Variants in CDKL4 observed in about 807,000 individuals in gnomAD.
CDKL4 encodes cyclin-dependent kinase-like 4.
A neutral mutation model predicts 42.0 loss-of-function variants in CDKL4; 44 were observed. The ratio of observed to expected loss-of-function variants is 1.05; its 90% CI spans 0.82 to 1.35. The LOEUF is 1.35. Among genes scored for constraint, CDKL4 ranks in the 40% most tolerant of loss-of-function variants. CDKL4 has a pLI of 0.00. For missense variants in CDKL4, 393 were observed against 369.9 expected (o/e 1.06, Z -0.51); for synonymous variants, 120 against 121.6 (o/e 0.99, Z 0.09).
intron 3 of CDKL4, among the ~76,000 whole-genome samples, chr2:39,219,161 C>T (rs756015567): frequency 1.1e-4 from 17 of 152,172 alleles, no homozygotes; most frequent in Non-Finnish European, 2.4e-4. Flanking sequence ...CTCTGGCACT[C>T]CCAGAAATTT....
the CDKL4 span, among the ~76,000 whole-genome samples, chr2:39,170,523 C>A: frequency 2.6e-5 from 4 of 152,058 alleles, no homozygotes; most frequent in South Asian, 2.1e-4. Context: ...AAGGCACGAT[C>A]TTGGCTCACT....
At chr2:39,216,857 T>C (rs958231780) in intron 3 of CDKL4, among the ~76,000 whole-genome samples, 1 of 152,134 alleles carries the variant, frequency 6.6e-6, no homozygotes, top group Non-Finnish European at 1.5e-5. Context: ...AGGAAAGTAA[T>C]TTCATAGGAT....
At chr2:39,193,911 A>G (rs530787189) in intron 5 of CDKL4, among the ~76,000 whole-genome samples, 1 of 152,208 alleles carries the variant, frequency 6.6e-6, no homozygotes, top group Non-Finnish European at 1.5e-5. Flanking sequence ...ATATTTTTAC[A>G]GTATTAAGTC....
At chr2:39,227,187 T>A (rs1678800099) in intron 2 of CDKL4, among the ~76,000 whole-genome samples, 1 of 152,226 alleles carries the variant, frequency 6.6e-6, no homozygotes, top group South Asian at 2.1e-4. Context: ...ATGATCACTC[T>A]TATTCCTAAC....
intron 5 of CDKL4, among the ~76,000 whole-genome samples, chr2:39,192,244 A>C (rs891268524): frequency 2.0e-5 from 3 of 152,216 alleles, no homozygotes; most frequent in Non-Finnish European, 4.4e-5. Flanking sequence ...GAGAACATGA[A>C]AAAATACATA....
At chr2:39,173,387 A>G (rs1193568798), downstream of CDKL4, among the ~76,000 whole-genome samples, 2 of 152,182 alleles carry the variant, frequency 1.3e-5, no homozygotes, top group Non-Finnish European at 2.9e-5. Flanking sequence ...TTAAAAATGC[A>G]GGAAACTGGC....
At chr2:39,213,582 A>G (rs1677718039) in intron 3 of CDKL4, 110 bp from the exon 4 acceptor site, 2 of 605,084 alleles carry the variant, frequency 3.3e-6, no homozygotes, top group Non-Finnish European at 6.0e-6. Context: ...AAGGAACACC[A>G]TGCGGAAGGG....
exon 2 of CDKL4, chr2:39,229,581 T>C (rs372279647): frequency 1.4e-6 from 2 of 1,433,560 alleles, no homozygotes; most frequent in Non-Finnish European, 1.9e-6. Flanking sequence ...TGCAGTACAA[T>C]GCTGCACCTG....
At chr2:39,198,611 G>A (rs1306025988) in intron 5 of CDKL4, among the ~76,000 whole-genome samples, 1 of 151,782 alleles carries the variant, frequency 6.6e-6, no homozygotes, top group African/African-American at 2.4e-5. Flanking sequence ...AAAAATTTAA[G>A]AAAATTGAAA....
intron 3 of CDKL4, among the ~76,000 whole-genome samples, chr2:39,223,354 A>T (rs72921034): frequency 0.038 from 5,817 of 152,058 alleles, 388 homozygotes; most frequent in African/African-American, 0.13. Context: ...AACAGTTAAA[A>T]TTTTTTCATA....
At chr2:39,213,752 A>AAAGGAATAAAAAAAAGAAAAGGG in intron 3 of CDKL4, among the ~76,000 whole-genome samples, 1 of 152,164 alleles carries the variant, frequency 6.6e-6, no homozygotes, top group African/African-American at 2.4e-5. Context: ...AAAGAAAAGG[A>AAAGGAATAAAAAAAAGAAAAGGG]AAGGAATAAA....
At chr2:39,245,923 A>G (rs1679896067), upstream of CDKL4, among the ~76,000 whole-genome samples, 1 of 152,220 alleles carries the variant, frequency 6.6e-6, no homozygotes, top group South Asian at 2.1e-4. Flanking sequence ...CACAGGTTTG[A>G]CACCCATTAG....
At chr2:39,205,571 C>T (rs551104905) in intron 4 of CDKL4, among the ~76,000 whole-genome samples, 5 of 151,326 alleles carry the variant, frequency 3.3e-5, no homozygotes, top group Non-Finnish European at 5.9e-5. Flanking sequence ...CCATCCTGGC[C>T]AACACGGTGA....
At chr2:39,225,927 C>G in exon 3 of CDKL4, 1 of 1,610,912 alleles carries the variant, frequency 6.2e-7, no homozygotes, top group Non-Finnish European at 8.5e-7. Flanking sequence ...CTGAACACCT[C>G]GATGAGGTTC....
At chr2:39,189,213 T>C (rs1232160504) in intron 6 of CDKL4, among the ~76,000 whole-genome samples, 1 of 152,238 alleles carries the variant, frequency 6.6e-6, no homozygotes, top group African/African-American at 2.4e-5. Context: ...ATTCTCATTT[T>C]GTGTGTAGAG....
At chr2:39,231,468 T>A (rs965474108) in intron 1 of CDKL4, among the ~76,000 whole-genome samples, 2 of 152,156 alleles carry the variant, frequency 1.3e-5, no homozygotes, top group African/African-American at 4.8e-5. Flanking sequence ...GAGAAAAATG[T>A]TTACCTGGAT....
chr2:39,234,485 C>T (rs1464318119), intron 1 of CDKL4, among the ~76,000 whole-genome samples: 1 of 151,858 alleles, frequency 6.6e-6, no homozygotes, highest in African/African-American at 2.4e-5. Flanking sequence ...GAAAAGAAGT[C>T]CGAACGTATG....
chr2:39,172,609 T>C (rs1249850100), downstream of CDKL4, among the ~76,000 whole-genome samples: 1 of 152,006 alleles, frequency 6.6e-6, no homozygotes, highest in Non-Finnish European at 1.5e-5. Context: ...TGAGACGGAG[T>C]CTTGCTCTGT....
the CDKL4 span, among the ~76,000 whole-genome samples, chr2:39,168,875 G>A: frequency 6.6e-6 from 1 of 151,618 alleles, no homozygotes; most frequent in East Asian, 2.0e-4. Flanking sequence ...TCCTGCCTCA[G>A]CCTCCTGAGT....
Sources: gnomAD v4.1 joint callset for allele counts (sites outside exome capture counted in the v4.1 genomes callset) on GRCh38, gnomAD v4.1.1 for gene constraint, MANE v1.5 for transcripts, NCBI Gene and HGNC (gene_info 2026-07-23, HGNC 2026-07-21) for gene names.